The following GRM5 variants were observed in gnomAD, a reference collection of about 807,000 sequenced individuals.
GRM5 encodes metabotropic glutamate receptor 5.
Under a neutral mutation model 83.1 loss-of-function variants are expected in GRM5, and 19 were observed. The observed-to-expected ratio is 0.23, with a 90% confidence interval of 0.16 to 0.34. The LOEUF (loss-of-function observed/expected upper bound fraction) is 0.34. Ranked by LOEUF, GRM5 falls within the 10% of genes least tolerant of loss-of-function variation. GRM5 has a pLI of 1.00. For missense variants in GRM5, 1,160 were observed against 1,588.3 expected (o/e 0.73, Z 4.58); for synonymous variants, 675 against 633.6 (o/e 1.07, Z -0.98).
At position 88,732,566 on chromosome 11, in the gene GRM5, C is replaced by G. The variant is rs549238069; in HGVS notation, c.912-79163G>C. On this transcript the variant is annotated intron_variant, in intron 3 of 9. Transcript: ENST00000305447. ...AATCGCCTTATTTTTCAGATGAGGA[C>G]ACTTGAATTTAGAGAAAAGGATTAT... Among the ~76,000 whole-genome samples the G allele has an allele frequency of 3.3e-3, 507 of 152,058 alleles. 5 individuals carry two copies. The highest frequency in any genetic ancestry group is 4.4e-3 in the Non-Finnish European group (296 of 67,944).
At chr11:88,872,855 C>T (rs1209479653) in intron 2 of GRM5, among the ~76,000 whole-genome samples, 1 of 151,022 alleles carries the variant, frequency 6.6e-6, no homozygotes, top group African/African-American at 2.4e-5. Flanking sequence ...ACAGTAGTAA[C>T]CCCTTACCTA....
At chr11:88,721,269 T>A (rs1941533110) in intron 3 of GRM5, among the ~76,000 whole-genome samples, 3 of 152,224 alleles carry the variant, frequency 2.0e-5, no homozygotes, top group African/African-American at 7.2e-5. Flanking sequence ...TTCTAGAAAT[T>A]CAATCTTTTT....
At chr11:88,921,080 T>TTC (rs386374433) in intron 2 of GRM5, among the ~76,000 whole-genome samples, 1 of 151,516 alleles carries the variant, frequency 6.6e-6, no homozygotes, top group Non-Finnish European at 1.5e-5. Context: ...CCACTGCGTT[T>TTC]TTTTTTAATA....
chr11:88,807,687 T>C (rs1013660884), intron 3 of GRM5, among the ~76,000 whole-genome samples: 5 of 152,064 alleles, frequency 3.3e-5, no homozygotes, highest in Non-Finnish European at 7.4e-5. Flanking sequence ...AAAAGAGAGA[T>C]CTGATATTCA....
rs552750765 is a variant in GRM5 at position 88,696,305 on chromosome 11, C to A, written c.912-42902G>T. On this transcript the variant is annotated intron_variant, in intron 3 of 9. Transcript: ENST00000305447. ...GTCCAACTGCTTGTGTCTGTGCCTG[C>A]TAGGGTTTCCGGTGTTTTATGGGCA... 4.6e-5 allele frequency among the ~76,000 whole-genome samples: 7 copies of A among 152,144 alleles called. No homozygotes were observed. The East Asian group carries it at 1.4e-3, about 30-fold the overall frequency.
chr11:88,945,366 C>A (rs1009128411), intron 2 of GRM5, among the ~76,000 whole-genome samples: 5 of 151,926 alleles, frequency 3.3e-5, no homozygotes, highest in Non-Finnish European at 7.4e-5. Flanking sequence ...TTACCAATGT[C>A]ATTTTTCACA....
At chr11:88,902,198 G>T (rs1267678651) in intron 2 of GRM5, among the ~76,000 whole-genome samples, 10 of 149,778 alleles carry the variant, frequency 6.7e-5, no homozygotes, top group African/African-American at 2.2e-4. Context: ...TTTATCTTTT[G>T]AACCTGATGC....
intron 8 of GRM5, among the ~76,000 whole-genome samples, chr11:88,565,818 T>A (rs1026813763): frequency 2.0e-5 from 3 of 152,190 alleles, no homozygotes; most frequent in Non-Finnish European, 4.4e-5. Flanking sequence ...GTAAAACAAG[T>A]AGAAAAGAGT....
At chr11:88,777,830 C>T (rs374470198) in intron 3 of GRM5, among the ~76,000 whole-genome samples, 34 of 152,172 alleles carry the variant, frequency 2.2e-4, no homozygotes, top group African/African-American at 6.0e-4. Flanking sequence ...CTGGAAGCTT[C>T]GTTTCAGAGG....
intron 2 of GRM5, among the ~76,000 whole-genome samples, chr11:88,908,935 G>A (rs1404676534): frequency 6.6e-6 from 1 of 152,040 alleles, no homozygotes; most frequent in East Asian, 1.9e-4. Flanking sequence ...ATTCTTAGTT[G>A]CCTTATATTA....
At chr11:88,982,012 T>G (rs1054753742) in intron 2 of GRM5, among the ~76,000 whole-genome samples, 1 of 152,232 alleles carries the variant, frequency 6.6e-6, no homozygotes, top group Non-Finnish European at 1.5e-5. Context: ...CAATTTATTA[T>G]GATGTATTGC....
chr11:88,678,175 C>T (rs1267458501), intron 3 of GRM5, among the ~76,000 whole-genome samples: 1 of 151,852 alleles, frequency 6.6e-6, no homozygotes, highest in Non-Finnish European at 1.5e-5. Context: ...TCTCCCATTG[C>T]AGTCCCCAGA....
intron 2 of GRM5, among the ~76,000 whole-genome samples, chr11:89,032,095 T>G (rs1941275976): frequency 6.6e-6 from 1 of 152,120 alleles, no homozygotes; most frequent in African/African-American, 2.4e-5. Context: ...ATTTTCATTT[T>G]CTGTGACTTG....
rs144009778 is a variant in GRM5 at position 88,874,964 on chromosome 11, T to C, written c.662-24809A>G. Reference sequence around the variant, plus strand: ...CAGCAAGGCATAATGTTTTTGCTGATAGAGGATCTTGTCTTGATACTGATG... The same window carrying C: ...CAGCAAGGCATAATGTTTTTGCTGACAGAGGATCTTGTCTTGATACTGATG... On this transcript the variant is annotated intron_variant, in intron 2 of 9. Coordinates refer to ENST00000305447, the MANE Select transcript of GRM5 (RefSeq NM_001143831.3). 8.6e-3 allele frequency among the ~76,000 whole-genome samples: 1,306 copies of C among 152,094 alleles called. 17 individuals are homozygous for C. The highest frequency in any genetic ancestry group is 0.029 in the African/African-American group (1,214 of 41,534).
intron 2 of GRM5, among the ~76,000 whole-genome samples, chr11:88,995,093 C>T (rs1196144264): frequency 6.6e-6 from 1 of 152,016 alleles, no homozygotes; most frequent in Non-Finnish European, 1.5e-5. Flanking sequence ...TAGAAAAATT[C>T]CCAGAACAAT....
intron 2 of GRM5, among the ~76,000 whole-genome samples, chr11:88,983,598 C>G (rs1374023853): frequency 6.6e-6 from 1 of 152,162 alleles, no homozygotes; most frequent in Non-Finnish European, 1.5e-5. Context: ...CTAACACATA[C>G]AGTTACATAC....
intron 2 of GRM5, among the ~76,000 whole-genome samples, chr11:88,970,356 C>G (rs1171171171): frequency 6.6e-6 from 1 of 152,140 alleles, no homozygotes; most frequent in African/African-American, 2.4e-5. Flanking sequence ...TCACTGAAAT[C>G]TGCATCCATC....
rs575704559 is a variant in GRM5, at chr11:88,892,272, G to A, written c.662-42117C>T. 2.6e-5 allele frequency among the ~76,000 whole-genome samples: 4 copies of A among 151,676 alleles called. No homozygotes were observed. In the South Asian group the frequency reaches 8.3e-4, roughly 32 times the overall value. ...AGAGTCAATCTCAGCTTGCAGAGCTGATAAAAGCACCTTGGGGAAGACTGG... is the reference window on the plus strand; with the variant it reads ...AGAGTCAATCTCAGCTTGCAGAGCTAATAAAAGCACCTTGGGGAAGACTGG... On this transcript the variant is annotated intron_variant, in intron 2 of 9. Coordinates refer to ENST00000305447, the MANE Select transcript of GRM5 (RefSeq NM_001143831.3).
intron 2 of GRM5, among the ~76,000 whole-genome samples, chr11:89,039,229 C>T (rs546576428): frequency 6.6e-6 from 1 of 151,110 alleles, no homozygotes; most frequent in Admixed American, 6.6e-5. Flanking sequence ...CGCGCCACTG[C>T]ACTCCAGCCT....
Sources: allele counts gnomAD v4.1 joint callset (sites outside exome capture counted in the v4.1 genomes callset), GRCh38; gene constraint gnomAD v4.1.1; transcripts MANE v1.5; gene names NCBI Gene and HGNC (gene_info 2026-07-23, HGNC 2026-07-21).